SLC14A2: variants seen among roughly 807,000 people sequenced by gnomAD.
The protein encoded by SLC14A2 is solute carrier family 14 member 2, also known as urea transporter 2.
In SLC14A2, 91 loss-of-function variants were observed where a neutral mutation model predicts 104.6. That is an observed-to-expected ratio of 0.87 (90% CI 0.73 to 1.04). The LOEUF is 1.04. SLC14A2 is among the 50% of genes least tolerant of loss of function. The pLI, the probability that SLC14A2 is intolerant of heterozygous loss-of-function variation, is 0.00. For missense variants in SLC14A2, 1,189 were observed against 1,156.0 expected (o/e 1.03, Z -0.41); for synonymous variants, 476 against 466.4 (o/e 1.02, Z -0.27).
At chr18:45,454,983 G>A (rs1460561970) in intron 1 of SLC14A2, among the ~76,000 whole-genome samples, 2 of 152,142 alleles carry the variant, frequency 1.3e-5, no homozygotes, top group Admixed American at 1.3e-4. Flanking sequence ...TCTTGGCAGT[G>A]CAGGCTCTTT....
chr18:45,573,525 A>G (rs1055013158), intron 2 of SLC14A2, among the ~76,000 whole-genome samples: 4 of 152,262 alleles, frequency 2.6e-5, no homozygotes, highest in Non-Finnish European at 5.9e-5. Context: ...ATTCTTACTA[A>G]GACTTCAGGC....
intron 1 of SLC14A2, among the ~76,000 whole-genome samples, chr18:45,475,647 A>T (rs1191806107): frequency 5.5e-4 from 5 of 9,142 alleles, no homozygotes; most frequent in Admixed American, 1.4e-3. Context: ...TTTAGGATAT[A>T]TATATATATA....
At chr18:45,515,837 A>G (rs2043433055) in intron 2 of SLC14A2, among the ~76,000 whole-genome samples, 3 of 152,252 alleles carry the variant, frequency 2.0e-5, no homozygotes, top group East Asian at 1.9e-4. Flanking sequence ...AGAAGGATTC[A>G]GACAAGCTGT....
intron 1 of SLC14A2, among the ~76,000 whole-genome samples, chr18:45,310,363 G>A (rs905380008): frequency 2.0e-5 from 3 of 152,134 alleles, no homozygotes; most frequent in African/African-American, 7.2e-5. Context: ...ATCATACTTC[G>A]CCAGCCTGAT....
chr18:45,412,964 G>A (rs1194882703), intron 1 of SLC14A2, among the ~76,000 whole-genome samples: 1 of 152,192 alleles, frequency 6.6e-6, no homozygotes, highest in African/African-American at 2.4e-5. Flanking sequence ...CAAAAGTGCG[G>A]GGACCAGATT....
chr18:45,466,835 A>C (rs2087152363), intron 1 of SLC14A2, among the ~76,000 whole-genome samples: 1 of 152,100 alleles, frequency 6.6e-6, no homozygotes, highest in Admixed American at 6.5e-5. Context: ...ACATTCACTG[A>C]TTCCTCCATT....
rs180833597 is a variant in SLC14A2 at position 45,308,479 on chromosome 18, G to A, written c.-125+95288G>A. ...AGAAGAAACGTATTTTAAAGACCTC[G>A]CCTGAACTGCCATATTAATCGCTGA... On this transcript the variant is annotated intron_variant, in intron 1 of 20. Coordinates refer to the SLC14A2 transcript ENST00000586448. 3.0e-3 allele frequency among the ~76,000 whole-genome samples: 456 copies of A among 152,226 alleles called. 7 individuals are homozygous for A. Among genetic ancestry groups the A allele is most frequent in the Admixed American group, 0.025 (377 of 15,300 alleles).
At chr18:45,553,539 G>A (rs1186841806) in intron 2 of SLC14A2, among the ~76,000 whole-genome samples, 1 of 152,190 alleles carries the variant, frequency 6.6e-6, no homozygotes, top group Non-Finnish European at 1.5e-5. Context: ...TAAGCAAAAT[G>A]CCTGTGAGTG....
At chr18:45,183,780 G>A in the SLC14A2 span, among the ~76,000 whole-genome samples, 1 of 151,182 alleles carries the variant, frequency 6.6e-6, no homozygotes, top group Non-Finnish European at 1.5e-5. Flanking sequence ...GGCTCAGGCT[G>A]GATGGAGTGC....
At chr18:45,496,179 C>A (rs916659268) in intron 2 of SLC14A2, among the ~76,000 whole-genome samples, 5 of 152,204 alleles carry the variant, frequency 3.3e-5, no homozygotes, top group Non-Finnish European at 7.3e-5. Flanking sequence ...TACTTAATTT[C>A]ATTCAGTGCT....
upstream of SLC14A2, among the ~76,000 whole-genome samples, chr18:45,209,337 C>T (rs181316099): frequency 9.1e-3 from 1,381 of 151,940 alleles, 20 homozygotes; most frequent in African/African-American, 0.032. Flanking sequence ...AGTGAGACTC[C>T]GTCTCAAAAC....
chr18:45,681,631 A>G (rs1463037481), intron 19 of SLC14A2, among the ~76,000 whole-genome samples: 1 of 152,152 alleles, frequency 6.6e-6, no homozygotes, highest in East Asian at 1.9e-4. Context: ...GACAATGATG[A>G]CACATCTTTG....
At chr18:45,604,711 G>A (rs2044841513) in intron 2 of SLC14A2, among the ~76,000 whole-genome samples, 1 of 152,168 alleles carries the variant, frequency 6.6e-6, no homozygotes. Flanking sequence ...AATTACATAT[G>A]TGTACATACA....
At chr18:45,429,280 G>GT (rs1050622396) in intron 1 of SLC14A2, among the ~76,000 whole-genome samples, 3 of 152,194 alleles carry the variant, frequency 2.0e-5, no homozygotes, top group African/African-American at 7.2e-5. Context: ...ATACTGTTAT[G>GT]TTTTTTAAGT....
intron 2 of SLC14A2, among the ~76,000 whole-genome samples, chr18:45,555,981 A>T (rs2044128112): frequency 1.3e-5 from 2 of 152,072 alleles, no homozygotes; most frequent in African/African-American, 4.8e-5. Flanking sequence ...ATTACCATAG[A>T]CTGGGTGGCT....
chr18:45,634,853 G>A, intron 5 of SLC14A2: 1 of 457,142 alleles, frequency 2.2e-6, no homozygotes, highest in Non-Finnish European at 4.4e-6. Context: ...GAGTAAGAGT[G>A]GATGCTGGAA....
At chr18:45,203,951 C>T in the SLC14A2 span, among the ~76,000 whole-genome samples, 4 of 152,144 alleles carry the variant, frequency 2.6e-5, no homozygotes, top group South Asian at 2.1e-4. Flanking sequence ...TTTAGTACCA[C>T]GATCTGAGAG....
intron 1 of SLC14A2, among the ~76,000 whole-genome samples, chr18:45,299,447 GTTTTGT>G (rs765193369): frequency 7.2e-5 from 11 of 152,014 alleles, no homozygotes; most frequent in East Asian, 3.9e-4. Context: ...CTCTTTATCG[GTTTTGT>G]TTTTGTTTTT....
At chr18:45,406,645 A>G (rs2144475125) in intron 1 of SLC14A2, among the ~76,000 whole-genome samples, 1 of 152,298 alleles carries the variant, frequency 6.6e-6, no homozygotes, top group Non-Finnish European at 1.5e-5. Flanking sequence ...TAAATAATAA[A>G]ACTTGAAAGT....
Sources: allele counts gnomAD v4.1 joint callset (sites outside exome capture counted in the v4.1 genomes callset), GRCh38; gene constraint gnomAD v4.1.1; transcripts MANE v1.5; gene names NCBI Gene and HGNC (gene_info 2026-07-23, HGNC 2026-07-21).